Variants in TMEM132D observed in about 807,000 individuals in gnomAD.
TMEM132D encodes transmembrane protein 132D.
In TMEM132D, 21 loss-of-function variants were observed where a neutral mutation model predicts 62.3. The ratio of observed to expected loss-of-function variants is 0.34; its 90% CI spans 0.24 to 0.49. TMEM132D has a LOEUF of 0.49. TMEM132D is among the 20% of genes least tolerant of loss of function. TMEM132D has a pLI of 0.99. For synonymous variants in TMEM132D, 621 were observed against 575.6 expected, an observed-to-expected ratio of 1.08 and a Z score of -1.13; for missense variants, 1,346 against 1,402.8, an observed-to-expected ratio of 0.96 and a Z score of 0.65.
chr12:129,866,094 G>A (rs967827232), intron 1 of TMEM132D, among the ~76,000 whole-genome samples: 1 of 152,078 alleles, frequency 6.6e-6, no homozygotes, highest in Non-Finnish European at 1.5e-5. Context: ...CTCAAAAGAT[G>A]GCACACAAAT....
chr12:129,514,405 C>T (rs144107295), intron 3 of TMEM132D, among the ~76,000 whole-genome samples: 119 of 152,322 alleles, frequency 7.8e-4, no homozygotes, highest in African/African-American at 2.6e-3. Flanking sequence ...CTCACTCTAA[C>T]TGTAGTGTTC....
intron 4 of TMEM132D, among the ~76,000 whole-genome samples, chr12:129,223,222 C>T (rs1195344985): frequency 2.0e-5 from 3 of 151,858 alleles, no homozygotes; most frequent in South Asian, 2.1e-4. Flanking sequence ...AACCTAGCCC[C>T]GGAAGTAGCA....
chr12:129,593,842 T>C (rs1423353192), intron 2 of TMEM132D, among the ~76,000 whole-genome samples: 3 of 151,908 alleles, frequency 2.0e-5, no homozygotes, highest in Non-Finnish European at 4.4e-5. Flanking sequence ...ATGTATTTTT[T>C]TTAAAATGTC....
intron 3 of TMEM132D, among the ~76,000 whole-genome samples, chr12:129,420,233 G>A (rs565125385): frequency 1.3e-5 from 2 of 148,834 alleles, no homozygotes; most frequent in African/African-American, 5.0e-5. Context: ...CCAAGACACT[G>A]TACCGTGTTT....
intron 1 of TMEM132D, among the ~76,000 whole-genome samples, chr12:129,887,267 T>A (rs941917942): frequency 3.3e-5 from 5 of 151,850 alleles, no homozygotes; most frequent in African/African-American, 9.7e-5. Flanking sequence ...TCAGCTGGAG[T>A]GAATTACTCA....
rs71082708 is a variant in TMEM132D at position 129,419,519 on chromosome 12, G to GGA, written c.1116-81704_1116-81703dup. On this transcript the variant is annotated intron_variant, in intron 3 of 8. Transcript: ENST00000422113. ...AGAAGGAGGATGGTAAGGGACAGAAGGAGAGAGAGAGAGAGACTGTTCCTG... is the reference window on the plus strand; with the variant it reads ...AGAAGGAGGATGGTAAGGGACAGAAGGAGAGAGAGAGAGAGAGACTGTTCCTG... Among the ~76,000 whole-genome samples the GGA allele has an allele frequency of 4.2e-3, 632 of 151,430 alleles. 2 individuals are homozygous for GGA. Among genetic ancestry groups the GGA allele is most frequent in the Non-Finnish European group, 7.0e-3 (478 of 67,830 alleles).
intron 1 of TMEM132D, among the ~76,000 whole-genome samples, chr12:129,768,612 A>C (rs538494983): frequency 6.6e-6 from 1 of 152,254 alleles, no homozygotes; most frequent in East Asian, 1.9e-4. Context: ...TGAGTTATAC[A>C]TCATCAGTTC....
At chr12:129,615,340 G>A (rs147464421) in intron 2 of TMEM132D, among the ~76,000 whole-genome samples, 29 of 152,024 alleles carry the variant, frequency 1.9e-4, no homozygotes, top group African/African-American at 5.3e-4. Context: ...ATATCTGGCC[G>A]TTTGTTTAGG....
intron 3 of TMEM132D, among the ~76,000 whole-genome samples, chr12:129,448,892 C>CA (rs918677989): frequency 2.0e-5 from 3 of 152,136 alleles, no homozygotes; most frequent in Non-Finnish European, 4.4e-5. Flanking sequence ...GTCCCAATGC[C>CA]AGTAACGTAT....
intron 1 of TMEM132D, among the ~76,000 whole-genome samples, chr12:129,786,443 C>A (rs147010317): frequency 0.023 from 3,482 of 152,262 alleles, 52 homozygotes; most frequent in Middle Eastern, 0.051. Context: ...GGAAAAAAAA[C>A]CATACAGAAA....
chr12:129,103,646 G>T (rs1875388975), intron 5 of TMEM132D, among the ~76,000 whole-genome samples: 2 of 152,206 alleles, frequency 1.3e-5, no homozygotes, highest in African/African-American at 4.8e-5. Flanking sequence ...GCCTCCTAAA[G>T]TGCTGGGATT....
intron 2 of TMEM132D, among the ~76,000 whole-genome samples, chr12:129,606,632 C>T (rs1192332591): frequency 1.3e-5 from 2 of 152,142 alleles, no homozygotes; most frequent in Non-Finnish European, 2.9e-5. Flanking sequence ...ACAGAAAACA[C>T]CTGAAACTTA....
At chr12:129,353,350 T>C (rs780313520) in intron 3 of TMEM132D, among the ~76,000 whole-genome samples, 1 of 152,100 alleles carries the variant, frequency 6.6e-6, no homozygotes, top group Non-Finnish European at 1.5e-5. Flanking sequence ...ATTTTAGATG[T>C]CTGTGAGAAT....
At chr12:129,735,693 CT>C (rs1240237670) in intron 1 of TMEM132D, among the ~76,000 whole-genome samples, 2 of 152,138 alleles carry the variant, frequency 1.3e-5, no homozygotes, top group African/African-American at 2.4e-5. Context: ...TAAGCCATCA[CT>C]TGTATAAACT....
intron 2 of TMEM132D, among the ~76,000 whole-genome samples, chr12:129,698,378 T>C (rs1881256714): frequency 6.6e-6 from 1 of 151,480 alleles, no homozygotes; most frequent in Non-Finnish European, 1.5e-5. Context: ...ATTAGATGCA[T>C]GTCCATTAGG....
chr12:129,150,067 C>T (rs1043213883), intron 5 of TMEM132D, among the ~76,000 whole-genome samples: 2 of 152,244 alleles, frequency 1.3e-5, no homozygotes, highest in African/African-American at 4.8e-5. Flanking sequence ...AGAAGCTGCG[C>T]CTCCTGCAGA....
At chr12:129,593,815 A>C (rs530605663) in intron 2 of TMEM132D, among the ~76,000 whole-genome samples, 1 of 150,224 alleles carries the variant, frequency 6.7e-6, no homozygotes, top group South Asian at 2.1e-4. Flanking sequence ...CGTCACGGGG[A>C]ACTTACTCCT....
chr12:129,855,016 G>C (rs1038610784), intron 1 of TMEM132D: 2 of 152,540 alleles, frequency 1.3e-5, no homozygotes, highest in Non-Finnish European at 2.9e-5. Context: ...GATCTTAACC[G>C]AGGTGATGCT....
intron 3 of TMEM132D, among the ~76,000 whole-genome samples, chr12:129,524,921 T>TC (rs199897673): frequency 7.7e-5 from 4 of 51,944 alleles, no homozygotes; most frequent in Admixed American, 3.7e-4. Context: ...TATTTTTTTC[T>TC]TTTTTCTTTT....
Sources: gnomAD v4.1 joint callset for allele counts (sites outside exome capture counted in the v4.1 genomes callset) on GRCh38, gnomAD v4.1.1 for gene constraint, MANE v1.5 for transcripts, NCBI Gene and HGNC (gene_info 2026-07-23, HGNC 2026-07-21) for gene names.